Variants in TRPM2 observed in about 807,000 individuals in gnomAD.
TRPM2 encodes transient receptor potential cation channel subfamily M member 2.
TRPM2 carries 161 observed loss-of-function variants against 174.0 expected under a neutral mutation model. The ratio of observed to expected loss-of-function variants is 0.93; its 90% CI spans 0.81 to 1.05. The LOEUF is 1.05. Among genes scored for constraint, TRPM2 ranks in the 50% least tolerant of loss-of-function variants. The pLI is 0.00. For missense variants in TRPM2, 2,057 were observed against 2,038.0 expected (o/e 1.01, Z -0.18); for synonymous variants, 954 against 861.3 (o/e 1.11, Z -1.88).
rs774987408 is a variant in TRPM2, at chr21:44,427,116, G to A, written c.3974+5G>A. 1.7e-5 allele frequency: 27 copies of A among 1,581,104 alleles called. No individual in the cohort carries two copies. The highest frequency in any genetic ancestry group is 5.2e-6 in the Non-Finnish European group (6 of 1,163,572). ...AGTGCAGGCCGGGTTGCCCCTGTGA[G>A]TGTGCCCCCTGCGGGCCCCGCCCCG... On this transcript the variant is annotated splice_donor_5th_base_variant and intron_variant, in intron 27 of 31. Coordinates refer to ENST00000397928, the MANE Select transcript of TRPM2 (RefSeq NM_003307.4).
At chr21:44,416,317 G>C (rs994792145) in intron 20 of TRPM2, 1 of 152,264 alleles carries the variant, frequency 6.6e-6, no homozygotes, top group Non-Finnish European at 1.5e-5. Context: ...TGAACATTGA[G>C]AGAACCCGAG....
chr21:44,411,706 A>G (rs1276835935), intron 19 of TRPM2, among the ~76,000 whole-genome samples: 1 of 152,150 alleles, frequency 6.6e-6, no homozygotes, highest in Non-Finnish European at 1.5e-5. Flanking sequence ...GCCTTTCACC[A>G]TTAAGTGTGA....
intron 12 of TRPM2, among the ~76,000 whole-genome samples, chr21:44,396,646 G>C (rs1184932262): frequency 6.5e-4 from 12 of 18,416 alleles, no homozygotes; most frequent in Non-Finnish European, 1.0e-3. Flanking sequence ...CTGTGGAGGG[G>C]TGTGGAGGGG....
At chr21:44,424,462 GGGA>G (rs1161531546) in intron 23 of TRPM2, among the ~76,000 whole-genome samples, 3 of 152,236 alleles carry the variant, frequency 2.0e-5, no homozygotes, top group African/African-American at 7.2e-5. Context: ...GGCTCCTCCT[GGGA>G]GGTGCAGGAA....
Position 44,401,812 on chromosome 21 carries a change from T to TGGTGGACTTCCAGCC in TRPM2, c.2454_2468dup (p.Asp820_Val824dup), listed in dbSNP as rs2049628963. On this transcript the variant is annotated inframe_insertion, in exon 16 of 32. Transcript: ENST00000397928. ...CTCTGCCTGTTCGCCTACGTGCTCA[T>TGGTGGACTTCCAGCC]GGTGGACTTCCAGCCTGTGCCCTCC... is the stretch of plus-strand genomic sequence containing the variant. The TGGTGGACTTCCAGCC allele has an allele frequency of 5.6e-6, 9 of 1,613,924 alleles. No homozygotes were observed. The highest frequency in any genetic ancestry group is 7.6e-6 in the Non-Finnish European group (9 of 1,180,016).
Position 44,438,885 on chromosome 21 carries a change from A to G in TRPM2, c.4168-182A>G. ...GCTCGGGCCACGGCAGGCCTCACAG[A>G]TGCTGACGTGGACGGCGGGTTCTGG... On this transcript the variant is annotated intron_variant, in intron 29 of 31. Coordinates refer to ENST00000397928, the MANE Select transcript of TRPM2 (RefSeq NM_003307.4). The surrounding 1 kb of genome is among the most constrained non-coding windows in gnomAD (Gnocchi z 5.9). The G allele has an allele frequency of 3.7e-6, 2 of 544,492 alleles. No homozygotes were observed. Among genetic ancestry groups the G allele is most frequent in the South Asian group, 4.0e-5 (2 of 50,536 alleles). 33.7% of individuals were successfully genotyped at this position (544,492 alleles called of 1,614,324 possible).
intron 24 of TRPM2, 176 bp downstream of exon 24, chr21:44,425,115 C>T (rs2050706988): frequency 3.2e-6 from 2 of 621,062 alleles, no homozygotes; most frequent in Non-Finnish European, 5.5e-6. Flanking sequence ...CCCACCGACG[C>T]TGGCGCCGAG....
chr21:44,396,906 G>A (rs1480594460), intron 12 of TRPM2, among the ~76,000 whole-genome samples: 2 of 141,922 alleles, frequency 1.4e-5, no homozygotes, highest in African/African-American at 5.3e-5. Flanking sequence ...GGAGGGGTGT[G>A]GAGGGGTGTG....
At position 44,376,115 on chromosome 21, in the gene TRPM2, C is replaced by A. The variant is rs530867850; in HGVS notation, c.952+102C>A. 6.2e-5 allele frequency: 86 copies of A among 1,395,794 alleles called. No homozygotes were observed. The highest frequency in any genetic ancestry group is 2.0e-4 in the Middle Eastern group (1 of 4,902). 86.5% of individuals were successfully genotyped at this position (1,395,794 alleles called of 1,614,324 possible). ...CGACCAGGACGTTCAACAGGCCTGGCGTTTGGCAGAGAGTGCAGTGGGCTG... is the reference window on the plus strand; with the variant it reads ...CGACCAGGACGTTCAACAGGCCTGGAGTTTGGCAGAGAGTGCAGTGGGCTG... On this transcript the variant is annotated intron_variant, in intron 6 of 31. Transcript: ENST00000397928. The surrounding 1 kb of genome is among the most constrained non-coding windows in gnomAD (Gnocchi z 4.2).
upstream of TRPM2, among the ~76,000 whole-genome samples, chr21:44,350,541 A>C (rs1226172739): frequency 4.5e-5 from 1 of 22,300 alleles, no homozygotes; most frequent in Admixed American, 6.2e-4. Context: ...GCAAGGGCGC[A>C]GGCGGGGTTC....
In TRPM2 at chr21:44,426,708, G is replaced by A. The variant is rs902253736; in HGVS notation, c.3844G>A (p.Asp1282Asn). 11 of 1,614,010 alleles carry A rather than the reference G, an allele frequency of 6.8e-6. No homozygotes were observed. The African/African-American group carries it at 8.0e-5, about 12-fold the overall frequency. The change falls in exon 26 of 32, where the codon GAC (aspartate) becomes AAC (asparagine). Residue 1282 changes from aspartate to asparagine, a missense_variant. Coordinates refer to ENST00000397928, the MANE Select transcript of TRPM2 (RefSeq NM_003307.4). ...ACCCTTTTACACGGCAGAGAGGAAG[G>A]ACGCGGCCGCCATGGACCCCATGGG... ...DPPFYTAERK[D>N]AAAMDPMGDT...
intron 28 of TRPM2, among the ~76,000 whole-genome samples, chr21:44,436,403 G>A (rs1184904148): frequency 3.3e-5 from 5 of 152,062 alleles, no homozygotes; most frequent in Admixed American, 6.5e-5. Context: ...TTCTCTGGCC[G>A]TGCAGACATG....
chr21:44,370,132 T>C (rs1420192891), intron 5 of TRPM2, among the ~76,000 whole-genome samples: 2 of 151,890 alleles, frequency 1.3e-5, no homozygotes, highest in Admixed American at 6.6e-5. Context: ...TCCCTCAAGG[T>C]TGTAAGAGGG....
At chr21:44,420,612 G>A (rs1453387230) in intron 22 of TRPM2, among the ~76,000 whole-genome samples, 1 of 152,184 alleles carries the variant, frequency 6.6e-6, no homozygotes, top group Non-Finnish European at 1.5e-5. Flanking sequence ...ACTTGCTGTT[G>A]CCAAGTACAG....
At position 44,388,025 on chromosome 21, in the gene TRPM2, A is replaced by G. The variant is rs902196316; in HGVS notation, c.1319-2879A>G. Among the ~76,000 whole-genome samples the G allele has an allele frequency of 2.8e-4, 43 of 152,208 alleles. 1 individual carries two copies. The highest frequency in any genetic ancestry group is 1.3e-4 in the Non-Finnish European group (9 of 68,044). On this transcript the variant is annotated intron_variant, in intron 9 of 31. Transcript: ENST00000397928. ...TAAAAATACAATTCCTATATGATCC[A>G]GCTATTCCACTCCTCAGATACATAT...
At chr21:44,414,154 G>A in intron 20 of TRPM2, 80 bp downstream of exon 20, 1 of 1,527,760 alleles carries the variant, frequency 6.5e-7, no homozygotes, top group Non-Finnish European at 8.9e-7. Context: ...CTGTCTCCAG[G>A]GTCTCGTGGA....
At position 44,427,092 on chromosome 21, in the gene TRPM2, G is replaced by A; in HGVS notation, c.3955G>A (p.Val1319Met). Residue 1319 changes from valine (V) to methionine (M), a missense_variant, in exon 27 of 32, where the codon GTG becomes ATG. Coordinates refer to ENST00000397928, the MANE Select transcript of TRPM2 (RefSeq NM_003307.4). Reference sequence around the variant, plus strand: ...CCGGAGCTTCCACGGGCCGTACACAGTGCAGGCCGGGTTGCCCCTGTGAGT... The same window carrying A: ...CCGGAGCTTCCACGGGCCGTACACAATGCAGGCCGGGTTGCCCCTGTGAGT... ...DRRSFHGPYTVQAGLPLNPMG... is the reference protein window; with the variant it reads ...DRRSFHGPYTMQAGLPLNPMG... The A allele has an allele frequency of 6.3e-7, 1 of 1,599,254 alleles. No individual in the cohort carries two copies. Among genetic ancestry groups the A allele is most frequent in the Non-Finnish European group, 8.5e-7 (1 of 1,173,498 alleles).
In TRPM2 at chr21:44,441,928, A is replaced by T; in HGVS notation, c.*111A>T. 1 of 1,398,404 alleles carries T rather than the reference A, an allele frequency of 7.2e-7. No homozygotes were observed. Among genetic ancestry groups the T allele is most frequent in the Non-Finnish European group, 9.3e-7 (1 of 1,072,360 alleles). 86.6% of individuals were successfully genotyped at this position (1,398,404 alleles called of 1,614,324 possible). Reference sequence around the variant, plus strand: ...AGGCTGTTCCTGGGCCCTGCACATGATGGGGTTTGGTGGACCCAGTGCCCC... The same window carrying T: ...AGGCTGTTCCTGGGCCCTGCACATGTTGGGGTTTGGTGGACCCAGTGCCCC... On this transcript the variant is annotated 3_prime_UTR_variant, in exon 32 of 32. Transcript: ENST00000397928.
intron 5 of TRPM2, among the ~76,000 whole-genome samples, chr21:44,374,437 C>T (rs1014456085): frequency 3.3e-5 from 5 of 152,056 alleles, no homozygotes; most frequent in South Asian, 4.1e-4. Context: ...GATTCAAGCA[C>T]GTTACGTTTA....
Sources: allele counts gnomAD v4.1 joint callset (sites outside exome capture counted in the v4.1 genomes callset), GRCh38; gene constraint gnomAD v4.1.1; non-coding constraint Gnocchi (gnomAD v3.1); transcripts MANE v1.5; gene names NCBI Gene and HGNC (gene_info 2026-07-23, HGNC 2026-07-21).